The following MTR variants were observed in gnomAD, a reference collection of about 807,000 sequenced individuals.
MTR encodes 5-methyltetrahydrofolate-homocysteine methyltransferase, also known as methionine synthase.
In MTR, 84 loss-of-function variants were observed where a neutral mutation model predicts 154.8. The ratio of observed to expected loss-of-function variants is 0.54; its 90% CI spans 0.45 to 0.65. The LOEUF (loss-of-function observed/expected upper bound fraction) is 0.65. MTR is among the 30% of genes least tolerant of loss of function. The probability of loss-of-function intolerance (pLI) is 0.00; values close to 1 mark genes in which losing one functional copy is unlikely to be tolerated. For synonymous variants in MTR, 554 were observed against 553.9 expected, an observed-to-expected ratio of 1.00 and a Z score of 0.00; for missense variants, 1,275 against 1,570.2, an observed-to-expected ratio of 0.81 and a Z score of 3.18.
intron 25 of MTR, among the ~76,000 whole-genome samples, chr1:236,883,358 C>A (rs773690156): frequency 6.6e-6 from 1 of 152,160 alleles, no homozygotes; most frequent in Non-Finnish European, 1.5e-5. Flanking sequence ...AGGGGCCTGC[C>A]ACTGTGGCTC....
At chr1:236,812,314 C>T (rs1661349905) in intron 5 of MTR, among the ~76,000 whole-genome samples, 1 of 152,276 alleles carries the variant, frequency 6.6e-6, no homozygotes, top group Non-Finnish European at 1.5e-5. Context: ...GCTTGCAGCC[C>T]TTTATCACAG....
intron 1 of MTR, among the ~76,000 whole-genome samples, chr1:236,797,033 A>C (rs988124633): frequency 4.6e-5 from 7 of 152,086 alleles, no homozygotes; most frequent in African/African-American, 1.7e-4. Context: ...AAAAAAAATA[A>C]ACTGAAAGGA....
At chr1:236,832,208 G>A in intron 13 of MTR, 130 bp downstream of exon 13, 2 of 811,522 alleles carry the variant, frequency 2.5e-6, no homozygotes, top group Admixed American at 4.0e-5. Flanking sequence ...AGATGGTAAT[G>A]TGTGTTTGCA....
rs147400452 is a variant in MTR, at chr1:236,894,837, C to G, written c.3405+280C>G. ...TCTCTACCTTATCTCTGTTGTCTCT[C>G]TTTGCTTGTTGTGATGTGACATTTT... On this transcript the variant is annotated intron_variant, in intron 30 of 32. Coordinates refer to ENST00000366577, the MANE Select transcript of MTR (RefSeq NM_000254.3). The G allele has an allele frequency of 1.8e-3, 888 of 481,794 alleles. 5 individuals are homozygous for G. The highest frequency in any genetic ancestry group is 0.016 in the African/African-American group (819 of 51,514). 29.8% of individuals were successfully genotyped at this position (481,794 alleles called of 1,614,324 possible). A position where few individuals can be genotyped will look rare whatever the true frequency, so the allele number is the denominator to read the frequency against.
At chr1:236,828,159 A>G (rs1048784055) in intron 11 of MTR, among the ~76,000 whole-genome samples, 1 of 151,988 alleles carries the variant, frequency 6.6e-6, no homozygotes, top group Non-Finnish European at 1.5e-5. Flanking sequence ...TTGTATTTTT[A>G]GTAGAGACGG....
At chr1:236,894,082 G>T (rs1234004538) in intron 29 of MTR, among the ~76,000 whole-genome samples, 1 of 152,078 alleles carries the variant, frequency 6.6e-6, no homozygotes, top group African/African-American at 2.4e-5. Flanking sequence ...GAATGAGCCA[G>T]TGAACTGGTG....
intron 6 of MTR, among the ~76,000 whole-genome samples, chr1:236,813,728 T>G (rs1291239697): frequency 6.6e-6 from 1 of 152,220 alleles, no homozygotes; most frequent in African/African-American, 2.4e-5. Context: ...TTTTTAAAAT[T>G]GAGTCCTTTA....
chr1:236,877,285 G>A (rs747351270), intron 24 of MTR, among the ~76,000 whole-genome samples: 2 of 152,162 alleles, frequency 1.3e-5, no homozygotes, highest in African/African-American at 4.8e-5. Flanking sequence ...ATACAGAAAA[G>A]TACACAAATC....
chr1:236,818,567 A>T (rs1009363450), intron 8 of MTR, among the ~76,000 whole-genome samples: 1 of 152,230 alleles, frequency 6.6e-6, no homozygotes, highest in Admixed American at 6.5e-5. Flanking sequence ...AATCCTTTCT[A>T]TGACTTCAGC....
intron 9 of MTR, among the ~76,000 whole-genome samples, chr1:236,825,048 G>GCTTCCCAT (rs1662198705): frequency 1.3e-5 from 2 of 151,944 alleles, no homozygotes; most frequent in African/African-American, 4.8e-5. Flanking sequence ...TCCCTTATGG[G>GCTTCCCAT]AAGGGGTGGG....
chr1:236,801,392 A>G (rs1660691150), intron 1 of MTR, among the ~76,000 whole-genome samples: 1 of 152,212 alleles, frequency 6.6e-6, no homozygotes, highest in Admixed American at 6.5e-5. Flanking sequence ...AGGTTACTAG[A>G]GCCACCTTCC....
chr1:236,858,024 A>T (rs1311312648), intron 18 of MTR, among the ~76,000 whole-genome samples: 1 of 152,172 alleles, frequency 6.6e-6, no homozygotes, highest in Admixed American at 6.5e-5. Flanking sequence ...CTGGTGGTAA[A>T]GAGTTGATGG....
At chr1:236,823,090 G>A (rs1662063932) in intron 8 of MTR, among the ~76,000 whole-genome samples, 1 of 152,042 alleles carries the variant, frequency 6.6e-6, no homozygotes, top group Admixed American at 6.6e-5. Flanking sequence ...TTTCAGATTT[G>A]CAGAAGAGTT....
intron 22 of MTR, among the ~76,000 whole-genome samples, chr1:236,867,870 A>G (rs934454264): frequency 3.3e-5 from 5 of 152,224 alleles, no homozygotes; most frequent in Admixed American, 6.5e-5. Flanking sequence ...ACTTCAACAG[A>G]TGAGGAATTG....
rs1661855659 is a variant in MTR, at chr1:236,820,315, C to T, written c.764+3772C>T. ...AAAGACTGTGACCAAGGAGGAGTTT[C>T]AGGGTGAATGGACTGCTCCAGCTCC... On this transcript the variant is annotated intron_variant, in intron 8 of 32. Coordinates refer to ENST00000366577, the MANE Select transcript of MTR (RefSeq NM_000254.3). 10 of 753,496 alleles carry T rather than the reference C, an allele frequency of 1.3e-5. No individual in the cohort carries two copies. In the East Asian group the frequency reaches 2.5e-4, roughly 18 times the overall value. The allele number at this position is 753,496 out of a possible 1,614,324, so 46.7% of individuals were successfully genotyped here.
rs114676720 is a variant in MTR at position 236,818,856 on chromosome 1, A to G, written c.764+2313A>G. Among the ~76,000 whole-genome samples the G allele has an allele frequency of 7.2e-3, 1,100 of 152,364 alleles. 6 individuals carry two copies. Among genetic ancestry groups the G allele is most frequent in the Non-Finnish European group, 0.011 (775 of 68,038 alleles). ...GAATAGTCCACACTAGGAGAAATGC[A>G]TAAGTGAATTAAAATATAAAATACA... On this transcript the variant is annotated intron_variant, in intron 8 of 32. Coordinates refer to ENST00000366577, the MANE Select transcript of MTR (RefSeq NM_000254.3).
At chr1:236,831,404 T>G (rs908031534) in intron 12 of MTR, among the ~76,000 whole-genome samples, 3 of 152,218 alleles carry the variant, frequency 2.0e-5, no homozygotes, top group Non-Finnish European at 4.4e-5. Context: ...AGCTCATTAG[T>G]GATAGACCTG....
chr1:236,840,695 A>G (rs1663179224), intron 15 of MTR, among the ~76,000 whole-genome samples: 1 of 152,194 alleles, frequency 6.6e-6, no homozygotes, highest in African/African-American at 2.4e-5. Flanking sequence ...GCATTTTCCC[A>G]TATTAGTGGA....
chr1:236,820,210 C>T, intron 8 of MTR: 3 of 758,594 alleles, frequency 4.0e-6, no homozygotes, highest in Non-Finnish European at 4.8e-6. Context: ...TTCCTGTGAA[C>T]ACTTGCGGGA....
Sources: allele counts gnomAD v4.1 joint callset (sites outside exome capture counted in the v4.1 genomes callset), GRCh38; gene constraint gnomAD v4.1.1; transcripts MANE v1.5; gene names NCBI Gene and HGNC (gene_info 2026-07-23, HGNC 2026-07-21).